The following INPP5A variants were observed in gnomAD, a reference collection of about 807,000 sequenced individuals.
INPP5A encodes the protein inositol polyphosphate-5-phosphatase A, also known as 43 kDa inositol polyphosphate 5-phophatase.
INPP5A carries 14 observed loss-of-function variants against 65.2 expected under a neutral mutation model. The observed-to-expected ratio is 0.21, with a 90% CI of 0.14 to 0.34. The LOEUF (loss-of-function observed/expected upper bound fraction) is 0.34, where lower values mean the gene tolerates loss of function less well. Among genes scored for constraint, INPP5A ranks in the 10% least tolerant of loss-of-function variants. The probability of loss-of-function intolerance (pLI) is 1.00; values close to 1 mark genes in which losing one functional copy is unlikely to be tolerated. For synonymous variants in INPP5A, 207 were observed against 208.3 expected (o/e 0.99, Z 0.05); for missense variants, 431 against 545.6 (o/e 0.79, Z 2.09).
intron 1 of INPP5A, among the ~76,000 whole-genome samples, chr10:132,574,296 G>A (rs1464207337): frequency 1.5e-5 from 2 of 132,426 alleles, no homozygotes; most frequent in African/African-American, 6.0e-5. Context: ...TGCCGTGGGA[G>A]GTTTTGTTGA....
Position 132,710,415 on chromosome 10 carries a change from C to G in INPP5A, c.606C>G (p.Tyr202Ter). The change falls in exon 8 of 16, where the codon TAC (tyrosine) becomes TAG (stop). Residue 202 changes from tyrosine (Y) to a stop codon, truncating the protein, a stop_gained. Transcript: ENST00000368594. LOFTEE classifies it high-confidence loss of function. The part of the protein sequence containing the change: ...LVAWETSPSV[Y>*]SGIRHKALGY... ...CCTGGGAAACAAGCCCTTCCGTGTACTCGGGAATCCGGCACAAGGCACTGG... is the reference window on the plus strand; with the variant it reads ...CCTGGGAAACAAGCCCTTCCGTGTAGTCGGGAATCCGGCACAAGGCACTGG... 1.2e-6 allele frequency: 2 copies of G among 1,614,068 alleles called. No individual in the cohort carries two copies. The highest frequency in any genetic ancestry group is 1.7e-6 in the Non-Finnish European group (2 of 1,180,028).
intron 12 of INPP5A, among the ~76,000 whole-genome samples, chr10:132,771,779 C>T (rs1394128318): frequency 8.3e-6 from 1 of 120,170 alleles, no homozygotes; most frequent in African/African-American, 3.3e-5. Flanking sequence ...AAGAGTGGGA[C>T]GGACACTCAG....
intron 1 of INPP5A, among the ~76,000 whole-genome samples, chr10:132,553,963 CACCTTCTCA>C (rs2071090154): frequency 1.3e-5 from 2 of 148,396 alleles, no homozygotes; most frequent in African/African-American, 2.5e-5. Flanking sequence ...GATTGGTGAA[CACCTTCTCA>C]GAGCCTTGGT....
At chr10:132,658,439 A>C (rs1173456707) in intron 4 of INPP5A, among the ~76,000 whole-genome samples, 2 of 152,144 alleles carry the variant, frequency 1.3e-5, no homozygotes, top group African/African-American at 2.4e-5. Context: ...TTGTACATTT[A>C]GGCTTGACTC....
rs1296641829 is a variant in INPP5A at position 132,679,432 on chromosome 10, C to T, written c.307-10960C>T. Among the ~76,000 whole-genome samples the T allele has an allele frequency of 2.0e-5, 3 of 152,134 alleles. No homozygotes were observed. The East Asian group carries it at 5.8e-4, about 29-fold the overall frequency. ...GGCCTTTAGGAGGCTCCATGCTGTA[C>T]ACACAAGAGCTGCCCGCTGGAAGAT... On this transcript the variant is annotated intron_variant, in intron 4 of 15. Coordinates refer to ENST00000368594, the MANE Select transcript of INPP5A (RefSeq NM_005539.5).
intron 13 of INPP5A, 183 bp downstream of exon 13, chr10:132,777,965 CA>C: frequency 7.1e-7 from 1 of 1,412,472 alleles, no homozygotes; most frequent in Non-Finnish European, 9.3e-7. Context: ...TCTGAGCCAG[CA>C]CCTGGGCTGG....
intron 9 of INPP5A, among the ~76,000 whole-genome samples, chr10:132,749,029 C>G (rs1846422195): frequency 6.6e-6 from 1 of 152,252 alleles, no homozygotes; most frequent in Admixed American, 6.5e-5. Context: ...GCCATCCCTC[C>G]CACGTCAGCT....
intron 2 of INPP5A, among the ~76,000 whole-genome samples, chr10:132,608,884 G>T (rs886397609): frequency 8.5e-5 from 13 of 152,206 alleles, no homozygotes; most frequent in Admixed American, 8.5e-4. Flanking sequence ...TGTGGGACCT[G>T]GGGGGTGGCC....
chr10:132,647,128 T>G (rs900352182), intron 3 of INPP5A, among the ~76,000 whole-genome samples: 1 of 151,774 alleles, frequency 6.6e-6, no homozygotes, highest in Admixed American at 6.6e-5. Context: ...TTTTTTTTTT[T>G]GTTTTGAGAC....
At chr10:132,661,230 A>C (rs2133416620) in intron 4 of INPP5A, among the ~76,000 whole-genome samples, 1 of 152,364 alleles carries the variant, frequency 6.6e-6, no homozygotes, top group African/African-American at 2.4e-5. Context: ...TGAATTGCCT[A>C]CATTGAAAGT....
intron 2 of INPP5A, 59 bp downstream of exon 2, chr10:132,608,015 T>C: frequency 1.3e-6 from 2 of 1,518,040 alleles, no homozygotes; most frequent in Non-Finnish European, 1.8e-6. Context: ...AGGTGCCTTT[T>C]TGCTTTGGCA....
At chr10:132,542,718 C>T (rs1024812474) in intron 1 of INPP5A, among the ~76,000 whole-genome samples, 2 of 152,190 alleles carry the variant, frequency 1.3e-5, no homozygotes, top group African/African-American at 4.8e-5. Flanking sequence ...CTCTGTGGAT[C>T]CTCCTTCTTC....
At chr10:132,648,832 T>C (rs898142098) in intron 3 of INPP5A, among the ~76,000 whole-genome samples, 9 of 152,272 alleles carry the variant, frequency 5.9e-5, no homozygotes, top group Non-Finnish European at 1.0e-4. Context: ...AACCTGATTA[T>C]GTTGTACTTT....
intron 4 of INPP5A, among the ~76,000 whole-genome samples, chr10:132,677,715 C>T (rs1052697959): frequency 6.6e-5 from 10 of 152,174 alleles, no homozygotes; most frequent in South Asian, 4.1e-4. Flanking sequence ...GGCGATTAAG[C>T]GGCTGGTATG....
intron 9 of INPP5A, among the ~76,000 whole-genome samples, chr10:132,745,898 G>A (rs1206080225): frequency 6.6e-6 from 1 of 152,210 alleles, no homozygotes; most frequent in African/African-American, 2.4e-5. Context: ...TGGCCCCCGA[G>A]GAGGAGTGTG....
intron 2 of INPP5A, among the ~76,000 whole-genome samples, chr10:132,624,404 C>T (rs146575461): frequency 1.3e-3 from 204 of 152,316 alleles, no homozygotes; most frequent in African/African-American, 4.7e-3. Flanking sequence ...TGCTTCACAC[C>T]GGCGCGCCCT....
intron 9 of INPP5A, among the ~76,000 whole-genome samples, chr10:132,743,096 G>A (rs913168962): frequency 6.6e-6 from 1 of 152,214 alleles, no homozygotes; most frequent in African/African-American, 2.4e-5. Flanking sequence ...GAGAGGGGAG[G>A]GCATGAAAAA....
At chr10:132,709,058 G>T (rs1202412510) in intron 7 of INPP5A, among the ~76,000 whole-genome samples, 1 of 151,656 alleles carries the variant, frequency 6.6e-6, no homozygotes, top group African/African-American at 2.4e-5. Flanking sequence ...ACACATACGA[G>T]GTCATAGCTG....
At chr10:132,613,315 C>T (rs947729202) in intron 2 of INPP5A, among the ~76,000 whole-genome samples, 3 of 147,658 alleles carry the variant, frequency 2.0e-5, no homozygotes, top group African/African-American at 7.5e-5. Context: ...CCCCGCAGGG[C>T]CCCCTCCTTC....
Sources: gnomAD v4.1 joint callset for allele counts (sites outside exome capture counted in the v4.1 genomes callset) on GRCh38, gnomAD v4.1.1 for gene constraint, MANE v1.5 for transcripts, NCBI Gene and HGNC (gene_info 2026-07-23, HGNC 2026-07-21) for gene names.